DCC: variants seen among roughly 807,000 people sequenced by gnomAD.
DCC encodes netrin receptor DCC.
DCC carries 58 observed loss-of-function variants against 172.5 expected under a neutral mutation model. That is an observed-to-expected ratio of 0.34 (90% CI 0.27 to 0.42). The LOEUF is 0.42. DCC is among the 10% of genes least tolerant of loss of function. The pLI, the probability that DCC is intolerant of heterozygous loss-of-function variation, is 1.00. For missense variants in DCC, 1,740 were observed against 1,791.0 expected, an observed-to-expected ratio of 0.97 and a Z score of 0.51; for synonymous variants, 709 against 644.5, an observed-to-expected ratio of 1.10 and a Z score of -1.52.
intron 2 of DCC, among the ~76,000 whole-genome samples, chr18:52,860,196 T>C (rs2039118164): frequency 6.6e-6 from 1 of 152,234 alleles, no homozygotes; most frequent in Non-Finnish European, 1.5e-5. Flanking sequence ...CAGATGGCAG[T>C]GGCAATGTTT....
chr18:53,314,423 G>A (rs557773967), intron 13 of DCC, among the ~76,000 whole-genome samples: 56 of 152,298 alleles, frequency 3.7e-4, no homozygotes, highest in Admixed American at 8.5e-4. Flanking sequence ...AACTAGTGCA[G>A]TCTATCTGTA....
intron 11 of DCC, among the ~76,000 whole-genome samples, chr18:53,213,733 A>G (rs975892520): frequency 1.4e-5 from 2 of 139,548 alleles, no homozygotes; most frequent in African/African-American, 5.0e-5. Context: ...CTTTTAAAGG[A>G]TAACATTTTT....
chr18:53,026,101 T>G (rs747038235), intron 5 of DCC, among the ~76,000 whole-genome samples: 2 of 151,998 alleles, frequency 1.3e-5, no homozygotes, highest in Non-Finnish European at 2.9e-5. Flanking sequence ...CCAAGAACAT[T>G]TAAAAACTGA....
chr18:53,010,523 G>A (rs1464940996), intron 5 of DCC, among the ~76,000 whole-genome samples: 1 of 151,322 alleles, frequency 6.6e-6, no homozygotes, highest in Non-Finnish European at 1.5e-5. Flanking sequence ...GAATATATAA[G>A]AAGTAATGTG....
intron 1 of DCC, among the ~76,000 whole-genome samples, chr18:52,670,096 C>A (rs1419468624): frequency 6.6e-6 from 1 of 152,198 alleles, no homozygotes; most frequent in Non-Finnish European, 1.5e-5. Context: ...ATCAAAGAGT[C>A]AGCATTCTTG....
chr18:52,993,812 C>G (rs997378495), intron 5 of DCC, among the ~76,000 whole-genome samples: 1 of 144,764 alleles, frequency 6.9e-6, no homozygotes, highest in Non-Finnish European at 1.5e-5. Flanking sequence ...TGAGAATTTT[C>G]TATGATTTTT....
intron 5 of DCC, among the ~76,000 whole-genome samples, chr18:53,003,065 G>A (rs941064231): frequency 1.3e-5 from 2 of 152,110 alleles, no homozygotes; most frequent in Admixed American, 6.6e-5. Flanking sequence ...GGAAAAGTTG[G>A]TAATGTGCTG....
At chr18:52,793,697 C>A (rs894331037) in intron 2 of DCC, among the ~76,000 whole-genome samples, 4 of 152,086 alleles carry the variant, frequency 2.6e-5, no homozygotes, top group African/African-American at 9.7e-5. Context: ...AAAGTCTTGG[C>A]CATAAAATCT....
intron 25 of DCC, among the ~76,000 whole-genome samples, chr18:53,472,696 G>A (rs1035840561): frequency 6.6e-6 from 1 of 151,916 alleles, no homozygotes; most frequent in Non-Finnish European, 1.5e-5. Context: ...CATCTAAACT[G>A]CCAAGACAGC....
At chr18:53,352,127 A>T (rs2057819676) in intron 15 of DCC, among the ~76,000 whole-genome samples, 1 of 152,104 alleles carries the variant, frequency 6.6e-6, no homozygotes, top group South Asian at 2.1e-4. Flanking sequence ...AGGGAAAAAC[A>T]AGGTATTTTA....
intron 15 of DCC, among the ~76,000 whole-genome samples, chr18:53,368,754 G>A (rs1032830750): frequency 2.0e-5 from 3 of 151,924 alleles, no homozygotes; most frequent in Non-Finnish European, 2.9e-5. Flanking sequence ...ACTGTATATC[G>A]CAAGGGTTTA....
chr18:53,345,669 T>A (rs1471380833), intron 15 of DCC, among the ~76,000 whole-genome samples: 1 of 152,178 alleles, frequency 6.6e-6, no homozygotes. Context: ...TGGCAACAAC[T>A]TTTCTTCGTT....
chr18:53,197,988 C>T (rs928731668), intron 9 of DCC, among the ~76,000 whole-genome samples: 19 of 152,086 alleles, frequency 1.2e-4, no homozygotes, highest in Admixed American at 1.2e-3. Context: ...CTTTGAAATA[C>T]CGATGATTTG....
In DCC at chr18:52,972,887, G is replaced by C. The variant is rs558150115; in HGVS notation, c.985+47517G>C. Among the ~76,000 whole-genome samples, 22 of 152,264 alleles carry C rather than the reference G, an allele frequency of 1.4e-4. No individual in the cohort carries two copies. In the South Asian group the frequency reaches 3.5e-3, roughly 24 times the overall value. On this transcript the variant is annotated intron_variant, in intron 5 of 28. Transcript: ENST00000442544. ...CACATCACTGAATACAGTTTTGAAT[G>C]GTTCCATGCTATGCATGATTTTTAT...
At chr18:52,839,157 AG>A (rs1439133995) in intron 2 of DCC, among the ~76,000 whole-genome samples, 1 of 152,214 alleles carries the variant, frequency 6.6e-6, no homozygotes, top group Non-Finnish European at 1.5e-5. Context: ...ACTTAGTAGG[AG>A]AAATTATACA....
chr18:52,811,068 G>A (rs1168386382), intron 2 of DCC, among the ~76,000 whole-genome samples: 1 of 152,010 alleles, frequency 6.6e-6, no homozygotes, highest in Non-Finnish European at 1.5e-5. Context: ...TTAAAATGTG[G>A]GAAATTGAAC....
intron 1 of DCC, among the ~76,000 whole-genome samples, chr18:52,354,770 T>C (rs1164732047): frequency 1.3e-5 from 2 of 152,242 alleles, no homozygotes; most frequent in Admixed American, 1.3e-4. Flanking sequence ...CAGGATATTG[T>C]AAATTTCAGG....
chr18:53,101,856 T>C (rs570225705), intron 7 of DCC, among the ~76,000 whole-genome samples: 1 of 151,298 alleles, frequency 6.6e-6, no homozygotes, highest in African/African-American at 2.4e-5. Context: ...TGCGTGTGAG[T>C]GTTGACATTG....
intron 2 of DCC, among the ~76,000 whole-genome samples, chr18:52,865,951 T>TC (rs66788583): frequency 2.0e-5 from 3 of 152,040 alleles, no homozygotes; most frequent in Admixed American, 6.5e-5. Context: ...TTTTGGTGGT[T>TC]ATGAAGTCTT....
Sources: gnomAD v4.1 joint callset for allele counts (sites outside exome capture counted in the v4.1 genomes callset) on GRCh38, gnomAD v4.1.1 for gene constraint, MANE v1.5 for transcripts, NCBI Gene and HGNC (gene_info 2026-07-23, HGNC 2026-07-21) for gene names.